Variants in ACO2 observed in about 807,000 individuals in gnomAD.
ACO2 encodes the protein aconitate hydratase, mitochondrial.
A neutral mutation model predicts 84.5 loss-of-function variants in ACO2; 31 were observed. That is an observed-to-expected ratio of 0.37 (90% CI 0.28 to 0.50). ACO2 has a LOEUF of 0.50. Ranked by LOEUF, ACO2 falls within the 20% of genes least tolerant of loss-of-function variation. The pLI is 0.97. For synonymous variants in ACO2, 414 were observed against 412.7 expected (o/e 1.00, Z -0.04); for missense variants, 685 against 1,029.3 (o/e 0.67, Z 4.58).
At chr22:41,470,971 A>C (rs1426972535) in intron 1 of ACO2, among the ~76,000 whole-genome samples, 3 of 152,238 alleles carry the variant, frequency 2.0e-5, no homozygotes, top group African/African-American at 7.2e-5. Flanking sequence ...AACTTGGAAG[A>C]GAAGAATAGT....
chr22:41,495,169 G>A (rs990406406), intron 1 of ACO2, among the ~76,000 whole-genome samples: 1 of 152,106 alleles, frequency 6.6e-6, no homozygotes, highest in Non-Finnish European at 1.5e-5. Context: ...TGGGACTATA[G>A]GTGTATGCCA....
intron 1 of ACO2, among the ~76,000 whole-genome samples, chr22:41,488,067 T>C (rs1167017452): frequency 2.6e-5 from 4 of 152,202 alleles, no homozygotes; most frequent in African/African-American, 9.7e-5. Flanking sequence ...GCTTGATTGC[T>C]CATATTTCTG....
At chr22:41,517,392 G>T (rs758324389) in intron 6 of ACO2, 135 bp from the exon 7 acceptor site, 54 of 725,526 alleles carry the variant, frequency 7.4e-5, no homozygotes, top group Non-Finnish European at 1.2e-4. Context: ...GAGTCGGCCC[G>T]CTGTCACCAC....
intron 1 of ACO2, among the ~76,000 whole-genome samples, chr22:41,476,380 C>G (rs912630464): frequency 6.8e-6 from 1 of 146,570 alleles, no homozygotes; most frequent in Non-Finnish European, 1.5e-5. Flanking sequence ...GCACTCCAGC[C>G]TGGGCAACAA....
chr22:41,485,104 C>T (rs1210521994), intron 1 of ACO2, among the ~76,000 whole-genome samples: 1 of 151,950 alleles, frequency 6.6e-6, no homozygotes, highest in African/African-American at 2.4e-5. Flanking sequence ...CTCAAACTGC[C>T]AACCTCAGGT....
chr22:41,470,211 A>C (rs1157345952), intron 1 of ACO2, among the ~76,000 whole-genome samples: 4 of 152,190 alleles, frequency 2.6e-5, no homozygotes, highest in African/African-American at 9.7e-5. Context: ...TTTGTTAATA[A>C]AAATCAAGCA....
chr22:41,523,667 T>TCTG (rs2066546335), intron 11 of ACO2, among the ~76,000 whole-genome samples, 163 bp from the exon 12 acceptor site: 1 of 152,258 alleles, frequency 6.6e-6, no homozygotes, highest in South Asian at 2.1e-4. Flanking sequence ...TCCCTTCTGC[T>TCTG]CTGCGCGTGG....
intron 1 of ACO2, among the ~76,000 whole-genome samples, chr22:41,484,774 C>T (rs1190078121): frequency 2.0e-5 from 3 of 152,062 alleles, no homozygotes; most frequent in Middle Eastern, 6.8e-3. Context: ...TCACATAATA[C>T]TGCAGATATT....
At chr22:41,488,906 A>T (rs2066252480) in intron 1 of ACO2, among the ~76,000 whole-genome samples, 1 of 152,160 alleles carries the variant, frequency 6.6e-6, no homozygotes, top group South Asian at 2.1e-4. Context: ...GTAACCTGGT[A>T]ATCTTTTACT....
chr22:41,502,378 G>A lies in ACO2; in HGVS notation c.173+2516G>A, dbSNP rs116036516. On this transcript the variant is annotated intron_variant, in intron 2 of 17. Coordinates refer to ENST00000216254, the MANE Select transcript of ACO2 (RefSeq NM_001098.3). ...TTAACAGGATCCCCAAGGGACTTACGTGCCTGTCAAAATGTGAGAAGCACT... is the reference window on the plus strand; with the variant it reads ...TTAACAGGATCCCCAAGGGACTTACATGCCTGTCAAAATGTGAGAAGCACT... 8.0e-3 allele frequency among the ~76,000 whole-genome samples: 1,217 copies of A among 152,246 alleles called. 20 individuals carry two copies. Among genetic ancestry groups the A allele is most frequent in the African/African-American group, 0.027 (1,108 of 41,532 alleles).
chr22:41,501,854 C>T (rs2066355871), intron 2 of ACO2, among the ~76,000 whole-genome samples: 1 of 152,156 alleles, frequency 6.6e-6, no homozygotes, highest in Admixed American at 6.5e-5. Context: ...GATCTCCAGC[C>T]TCCAGCACAG....
chr22:41,473,167 G>A (rs903157304), intron 1 of ACO2, among the ~76,000 whole-genome samples: 3 of 152,120 alleles, frequency 2.0e-5, no homozygotes, highest in Admixed American at 2.0e-4. Flanking sequence ...TGAGGATTAA[G>A]GGAGCACAGC....
intron 1 of ACO2, among the ~76,000 whole-genome samples, chr22:41,481,775 G>A (rs962803394): frequency 5.3e-5 from 8 of 152,172 alleles, no homozygotes; most frequent in African/African-American, 9.6e-5. Flanking sequence ...GCCGGTGGTC[G>A]TGTCACGGCT....
intron 6 of ACO2, chr22:41,517,229 A>G: frequency 2.5e-6 from 1 of 395,884 alleles, no homozygotes; most frequent in Non-Finnish European, 4.8e-6. Context: ...GGCGACAGTC[A>G]GGCCCCAAGC....
intron 4 of ACO2, among the ~76,000 whole-genome samples, chr22:41,513,763 G>A (rs970276844): frequency 6.6e-6 from 1 of 152,176 alleles, no homozygotes; most frequent in Non-Finnish European, 1.5e-5. Flanking sequence ...TGGATGGATG[G>A]CTGAATTTCC....
rs867876450 is a variant in ACO2 at position 41,523,383 on chromosome 22, G to C, written c.1370+105G>C. Reference sequence around the variant, plus strand: ...GGTGGAGAGAAGAGACTCCAGCCAAGGTCTCTAGCTCCAGGGACTCTTGCC... The same window carrying C: ...GGTGGAGAGAAGAGACTCCAGCCAACGTCTCTAGCTCCAGGGACTCTTGCC... On this transcript the variant is annotated intron_variant, in intron 11 of 17. Transcript: ENST00000216254. 38 of 857,898 alleles carry C rather than the reference G, an allele frequency of 4.4e-5. No homozygotes were observed. In the Middle Eastern group the frequency reaches 2.1e-3, roughly 46 times the overall value. The allele number at this position is 857,898 out of a possible 1,614,324, so 53.1% of individuals were successfully genotyped here.
At chr22:41,492,063 T>C (rs1292562890) in intron 1 of ACO2, among the ~76,000 whole-genome samples, 2 of 152,238 alleles carry the variant, frequency 1.3e-5, no homozygotes, top group East Asian at 3.8e-4. Flanking sequence ...GAATTCTGAC[T>C]TACCTCCCTG....
intron 8 of ACO2, 43 bp downstream of exon 8, chr22:41,518,615 G>T (rs988603688): frequency 6.8e-7 from 1 of 1,472,118 alleles, no homozygotes; most frequent in Non-Finnish European, 9.5e-7. Flanking sequence ...TCTGAGAGTA[G>T]TGGGGAGCAG....
intron 1 of ACO2, among the ~76,000 whole-genome samples, chr22:41,471,220 G>T (rs1354221790): frequency 6.6e-6 from 1 of 152,196 alleles, no homozygotes; most frequent in Non-Finnish European, 1.5e-5. Context: ...TATACAGGTG[G>T]AAAAATCTAA....
Sources: allele counts gnomAD v4.1 joint callset (sites outside exome capture counted in the v4.1 genomes callset), GRCh38; gene constraint gnomAD v4.1.1; transcripts MANE v1.5; gene names NCBI Gene and HGNC (gene_info 2026-07-23, HGNC 2026-07-21).